The following PIK3C2B variants were observed in gnomAD, a reference collection of about 807,000 sequenced individuals.
The protein encoded by PIK3C2B is phosphatidylinositol 4-phosphate 3-kinase C2 domain-containing subunit beta.
PIK3C2B carries 83 observed loss-of-function variants against 184.3 expected under a neutral mutation model. That is an observed-to-expected ratio of 0.45 (90% confidence interval 0.38 to 0.54). The LOEUF (loss-of-function observed/expected upper bound fraction) is 0.54, where lower values mean the gene tolerates loss of function less well. Among genes scored for constraint, PIK3C2B ranks in the 20% least tolerant of loss-of-function variants. The pLI, the probability that PIK3C2B is intolerant of heterozygous loss-of-function variation, is 0.00. For missense variants in PIK3C2B, 1,736 were observed against 2,113.5 expected, an observed-to-expected ratio of 0.82 and a Z score of 3.50; for synonymous variants, 779 against 837.6, an observed-to-expected ratio of 0.93 and a Z score of 1.21.
intron 23 of PIK3C2B, among the ~76,000 whole-genome samples, chr1:204,436,827 T>G (rs902680014): frequency 6.6e-6 from 1 of 152,146 alleles, no homozygotes; most frequent in Non-Finnish European, 1.5e-5. Context: ...GAAAAATGCA[T>G]ATTAGCATAA....
In PIK3C2B at chr1:204,442,475, C is replaced by T; in HGVS notation, c.3156+51G>A. ...GCATGCCTGGTTAGTGAAGACCTCA[C>T]CTCCACTGAGCCCTCCCACTCTGAG... On this transcript the variant is annotated intron_variant, in intron 20 of 32. Coordinates refer to ENST00000684373, the MANE Select transcript of PIK3C2B (RefSeq NM_001377334.1). The T allele has an allele frequency of 4.1e-6, 5 of 1,219,774 alleles. No individual in the cohort carries two copies. The South Asian group carries it at 5.2e-5, about 13-fold the overall frequency. The allele number at this position is 1,219,774 out of a possible 1,614,324, so 75.6% of individuals were successfully genotyped here.
intron 11 of PIK3C2B, 74 bp from the exon 12 acceptor site, chr1:204,454,865 G>A (rs527783321): frequency 6.6e-7 from 1 of 1,512,190 alleles, no homozygotes; most frequent in Non-Finnish European, 8.9e-7. Flanking sequence ...GTCCCTCTAA[G>A]GCCAAAATCC....
Position 204,449,185 on chromosome 1 carries a change from C to T in PIK3C2B, c.2346G>A (p.Gln782=). ...NFHQPDSVIL[Q]IDFPTSAFDI... ...TGGGAGGGAAGGGCTAAAGCCTCAC[C>T]TGCAGGATGACACTGTCTGGCTGGT... Residue 782 remains glutamine (Q), a splice_region_variant and synonymous_variant, in exon 14 of 33, where the codon CAG becomes CAA. Transcript: ENST00000684373. The T allele has an allele frequency of 6.2e-7, 1 of 1,603,488 alleles. No homozygotes were observed. The highest frequency in any genetic ancestry group is 8.5e-7 in the Non-Finnish European group (1 of 1,172,614).
intron 1 of PIK3C2B, among the ~76,000 whole-genome samples, chr1:204,474,956 G>A (rs1474030127): frequency 6.6e-6 from 1 of 151,080 alleles, no homozygotes; most frequent in East Asian, 1.9e-4. Context: ...CTCTCTAATT[G>A]CCAAGGCCTG....
intron 16 of PIK3C2B, among the ~76,000 whole-genome samples, chr1:204,445,436 A>C (rs1653768603): frequency 6.6e-6 from 1 of 152,058 alleles, no homozygotes; most frequent in South Asian, 2.1e-4. Flanking sequence ...TCTACAAAAA[A>C]ATTTTAAAAA....
At chr1:204,425,121 A>G in intron 32 of PIK3C2B, 81 bp from the exon 33 acceptor site, 1 of 1,201,910 alleles carries the variant, frequency 8.3e-7, no homozygotes, top group South Asian at 1.4e-5. Flanking sequence ...GGGAGATGGT[A>G]AAGTCTGTTG....
chr1:204,430,577 T>TC (rs924006835), intron 28 of PIK3C2B, among the ~76,000 whole-genome samples: 1 of 151,862 alleles, frequency 6.6e-6, no homozygotes, highest in African/African-American at 2.4e-5. Flanking sequence ...ACTCCTTAGC[T>TC]CATGATCTGC....
At chr1:204,484,045 G>A (rs1427049221) in intron 1 of PIK3C2B, among the ~76,000 whole-genome samples, 4 of 152,198 alleles carry the variant, frequency 2.6e-5, no homozygotes, top group Non-Finnish European at 4.4e-5. Flanking sequence ...AACTAGTACA[G>A]CCCACTGTAG....
At position 204,441,532 on chromosome 1, in the gene PIK3C2B, G is replaced by A; in HGVS notation, c.3188C>T (p.Pro1063Leu). Reference protein sequence around the residue: ...DCSYFNSNAVPLKLSFQNVDP... With the variant: ...DCSYFNSNAVLLKLSFQNVDP... ...CACATTTTGGAAGGAGAGTTTGAGG[G>A]GGACAGCATTGGAGTTGAAGTAGGA... The change falls in exon 21 of 33, where the codon CCC becomes CTC. Residue 1063 changes from proline to leucine, a missense_variant. By Grantham distance (98) the Pro-to-Leu change is moderately conservative. Transcript: ENST00000684373. 6.2e-7 allele frequency: 1 copy of A among 1,613,074 alleles called. No individual in the cohort carries two copies. Among genetic ancestry groups the A allele is most frequent in the Non-Finnish European group, 8.5e-7 (1 of 1,179,074 alleles).
At chr1:204,450,580 G>A (rs1011516872) in intron 12 of PIK3C2B, among the ~76,000 whole-genome samples, 3 of 152,146 alleles carry the variant, frequency 2.0e-5, no homozygotes, top group Admixed American at 1.3e-4. Flanking sequence ...CACACACTGG[G>A]TTTTTCTCAC....
chr1:204,473,681 C>T (rs934380938), intron 1 of PIK3C2B, among the ~76,000 whole-genome samples: 1 of 152,220 alleles, frequency 6.6e-6, no homozygotes, highest in Non-Finnish European at 1.5e-5. Flanking sequence ...AAATTCAGGC[C>T]ATTGGAAATA....
Position 204,460,653 on chromosome 1 carries a change from G to A in PIK3C2B, c.1319C>T (p.Ala440Val), listed in dbSNP as rs2103504216. 2 of 1,605,766 alleles carry A rather than the reference G, an allele frequency of 1.2e-6. No individual in the cohort carries two copies. The highest frequency in any genetic ancestry group is 1.3e-5 in the African/African-American group (1 of 74,860). ...TTGGATGTACTCATGACTGCCCAAG[G>A]CATGCTTGCTGGTAGGGTAGAGGGA... ...GLEEFLQNKH[A>V]LGSHEYIQYC... Residue 440 changes from alanine to valine, a missense_variant, in exon 6 of 33, where the codon GCC becomes GTC. Ala to Val is a moderately conservative substitution (Grantham distance 64). Transcript: ENST00000684373.
At chr1:204,489,855 T>C (rs1657894151) in intron 1 of PIK3C2B, 1 of 397,774 alleles carries the variant, frequency 2.5e-6, no homozygotes, top group Non-Finnish European at 4.4e-6. Context: ...TAGTTTTTCC[T>C]CAAAATGGAA....
chr1:204,475,300 T>A (rs1165771944), intron 1 of PIK3C2B, among the ~76,000 whole-genome samples: 6 of 152,216 alleles, frequency 3.9e-5, no homozygotes, highest in Non-Finnish European at 8.8e-5. Flanking sequence ...GTTCAAATTG[T>A]TCCAATTTGC....
chr1:204,449,928 C>G lies in PIK3C2B; in HGVS notation c.2156G>C (p.Ser719Thr). The change falls in exon 13 of 33, where the codon AGC (serine) becomes ACC (threonine). Residue 719 changes from serine (S) to threonine (T), a missense_variant. Physicochemically the swap from Ser to Thr is moderately conservative, Grantham distance 58. This residue lies in a region of PIK3C2B where 609 missense variants were observed against 699.2 expected (regional missense o/e 0.87). Coordinates refer to ENST00000684373, the MANE Select transcript of PIK3C2B (RefSeq NM_001377334.1). Reference sequence around the variant, plus strand: ...CCGCTGCTTATTGGCCTCTGAGGAGCTCCCCGGTGGGGGGATGGGCAGAGC... The same window carrying G: ...CCGCTGCTTATTGGCCTCTGAGGAGGTCCCCGGTGGGGGGATGGGCAGAGC... ...LYALPIPPPG[S>T]SSEANKQRRV... is the part of the protein sequence containing the mutation. The G allele has an allele frequency of 1.2e-6, 2 of 1,613,578 alleles. No individual in the cohort carries two copies. Among genetic ancestry groups the G allele is most frequent in the Non-Finnish European group, 1.7e-6 (2 of 1,179,812 alleles).
intron 16 of PIK3C2B, among the ~76,000 whole-genome samples, chr1:204,445,331 A>T (rs910764248): frequency 7.2e-5 from 11 of 152,244 alleles, no homozygotes; most frequent in Admixed American, 2.0e-4. Context: ...GGTAGCTCAC[A>T]CCTATAATCC....
At position 204,469,631 on chromosome 1, in the gene PIK3C2B, TGA is replaced by T; in HGVS notation, c.170_171del (p.Leu57HisfsTer5). 5 of 1,611,416 alleles carry T rather than the reference TGA, an allele frequency of 3.1e-6. No individual in the cohort carries two copies. Among genetic ancestry groups the T allele is most frequent in the Non-Finnish European group, 4.2e-6 (5 of 1,178,228 alleles). On this transcript the variant is annotated frameshift_variant, in exon 2 of 33. Coordinates refer to ENST00000684373, the MANE Select transcript of PIK3C2B (RefSeq NM_001377334.1). LOFTEE classifies it high-confidence loss of function. ...TCTACCCCAGGCTCATCCCAGCTGA[TGA>T]GAGAGGGGTCTGCGTTCTGCTTGGC... is the stretch of plus-strand genomic sequence containing the variant. The part of the protein sequence containing the change: ...NRAKQNADPS[L>X]ISWDEPGVDF...
chr1:204,480,809 C>T (rs1007507899), intron 1 of PIK3C2B, among the ~76,000 whole-genome samples: 8 of 152,056 alleles, frequency 5.3e-5, no homozygotes, highest in African/African-American at 2.4e-5. Context: ...CCAGCCCCCG[C>T]GCCATGCTTC....
At chr1:204,450,239 A>T in intron 12 of PIK3C2B, 1 of 500,850 alleles carries the variant, frequency 2.0e-6, no homozygotes, top group Middle Eastern at 5.2e-4. Flanking sequence ...GTGTCCTTGG[A>T]GCTTTGCAGT....
Sources: allele counts gnomAD v4.1 joint callset (sites outside exome capture counted in the v4.1 genomes callset), GRCh38; gene constraint gnomAD v4.1.1; regional missense constraint gnomAD v4.1.1; transcripts MANE v1.5; gene names NCBI Gene and HGNC (gene_info 2026-07-23, HGNC 2026-07-21).